The following TET1 variants were observed in gnomAD, a reference collection of about 807,000 sequenced individuals.
TET1 encodes the protein methylcytosine dioxygenase TET1.
In TET1, 13 loss-of-function variants were observed where a neutral mutation model predicts 148.7. The observed-to-expected ratio is 0.09, with a 90% CI of 0.06 to 0.14. The LOEUF is 0.14. Among genes scored for constraint, TET1 ranks in the 10% least tolerant of loss-of-function variants. TET1 has a pLI of 1.00. For synonymous variants in TET1, 907 were observed against 937.2 expected, an observed-to-expected ratio of 0.97 and a Z score of 0.59; for missense variants, 2,182 against 2,553.8, an observed-to-expected ratio of 0.85 and a Z score of 3.14.
chr10:68,666,910 C>T (rs934080443), intron 6 of TET1, 135 bp from the exon 7 acceptor site: 1 of 799,364 alleles, frequency 1.3e-6, no homozygotes, highest in South Asian at 2.0e-5. Flanking sequence ...ATAGTTAGAC[C>T]CCGTCTGTAG....
chr10:68,603,029 G>A (rs2054078822), intron 3 of TET1, among the ~76,000 whole-genome samples: 1 of 152,192 alleles, frequency 6.6e-6, no homozygotes. Flanking sequence ...TGAAACCTGT[G>A]TTTGGGAGGG....
chr10:68,595,966 A>ATATATATG, intron 2 of TET1, among the ~76,000 whole-genome samples: 1 of 32,028 alleles, frequency 3.1e-5, no homozygotes, highest in Non-Finnish European at 6.3e-5. Context: ...ATATATACAC[A>ATATATATG]CACACACACA....
intron 3 of TET1, among the ~76,000 whole-genome samples, chr10:68,615,290 C>T (rs565514080): frequency 4.6e-5 from 7 of 152,020 alleles, no homozygotes; most frequent in African/African-American, 1.7e-4. Flanking sequence ...TTTCCTCTCT[C>T]TCTCCACACA....
chr10:68,648,369 T>C (rs933149428), intron 4 of TET1, among the ~76,000 whole-genome samples: 1 of 152,222 alleles, frequency 6.6e-6, no homozygotes, highest in African/African-American at 2.4e-5. Context: ...CTGTTGACTC[T>C]AATATAGCTG....
At chr10:68,687,991 C>CA (rs2055538286) in intron 11 of TET1, among the ~76,000 whole-genome samples, 1 of 151,998 alleles carries the variant, frequency 6.6e-6, no homozygotes, top group Non-Finnish European at 1.5e-5. Context: ...TGGCTATTCA[C>CA]AGACACAATC....
At chr10:68,631,433 C>CTT (rs546257824) in intron 3 of TET1, among the ~76,000 whole-genome samples, 778 of 110,476 alleles carry the variant, frequency 7.0e-3, no homozygotes, top group South Asian at 9.8e-3. Context: ...TTTCTTTCTT[C>CTT]TTTTTTTTTT....
chr10:68,562,329 A>T (rs1313568961), intron 1 of TET1, among the ~76,000 whole-genome samples: 1 of 152,236 alleles, frequency 6.6e-6, no homozygotes, highest in East Asian at 1.9e-4. Context: ...CTAGGAATTT[A>T]TGACTACAAT....
At chr10:68,678,293 G>C (rs146228848) in intron 8 of TET1, among the ~76,000 whole-genome samples, 30 of 152,308 alleles carry the variant, frequency 2.0e-4, no homozygotes, top group African/African-American at 7.2e-4. Context: ...GGTTTGTAGA[G>C]GGCAGATCAG....
At chr10:68,561,616 C>T (rs1023288367) in intron 1 of TET1, among the ~76,000 whole-genome samples, 13 of 152,020 alleles carry the variant, frequency 8.6e-5, no homozygotes, top group African/African-American at 3.1e-4. Context: ...GCCTGGTCCT[C>T]GCTCTCGGGC....
chr10:68,661,781 A>G (rs2055119243), intron 6 of TET1, among the ~76,000 whole-genome samples: 1 of 151,540 alleles, frequency 6.6e-6, no homozygotes, highest in East Asian at 1.9e-4. Flanking sequence ...CACCATGCCC[A>G]GCCAGAACTT....
intron 2 of TET1, among the ~76,000 whole-genome samples, chr10:68,591,667 C>T (rs1163908135): frequency 6.6e-6 from 1 of 152,062 alleles, no homozygotes; most frequent in Non-Finnish European, 1.5e-5. Flanking sequence ...CTTTGGATGA[C>T]CGAGGTGGGT....
At chr10:68,678,240 G>T (rs2055390277) in intron 8 of TET1, among the ~76,000 whole-genome samples, 2 of 152,274 alleles carry the variant, frequency 1.3e-5, no homozygotes, top group South Asian at 2.1e-4. Flanking sequence ...TATATGGGGT[G>T]GGGGGTTCAT....
Position 68,646,492 on chromosome 10 carries a change from G to A in TET1, c.3763G>A (p.Val1255Met), listed in dbSNP as rs777362644. ...ATATCCTGAATCAGCAGAGGAAAAG[G>A]TGAAGGTTGAACCATTGGATTCACT... ...QRYPESAEEKVKVEPLDSLSL... is the reference protein window; with the variant it reads ...QRYPESAEEKMKVEPLDSLSL... The change falls in exon 4 of 12, where the codon GTG becomes ATG. Residue 1255 changes from valine (V) to methionine (M), a missense_variant. Physicochemically the swap from Val to Met is conservative, Grantham distance 21. Coordinates refer to ENST00000373644, the MANE Select transcript of TET1 (RefSeq NM_030625.3). 3.1e-6 allele frequency: 5 copies of A among 1,614,066 alleles called. No individual in the cohort carries two copies. The Admixed American group carries it at 8.3e-5, about 27-fold the overall frequency.
chr10:68,580,313 ATTTTT>A (rs1163318028), intron 2 of TET1, among the ~76,000 whole-genome samples: 8 of 60,400 alleles, frequency 1.3e-4, no homozygotes, highest in Admixed American at 2.6e-4. Context: ...ATTATATTCA[ATTTTT>A]TTTTTTTTTT....
In TET1 at chr10:68,646,185, C is replaced by T; in HGVS notation, c.3456C>T (p.Ser1152=). 1.9e-6 allele frequency: 3 copies of T among 1,613,650 alleles called. No individual in the cohort carries two copies. Among genetic ancestry groups the T allele is most frequent in the Non-Finnish European group, 2.5e-6 (3 of 1,179,952 alleles). The change falls in exon 4 of 12, where the codon TCC becomes TCT. Residue 1152 remains serine (S), a synonymous_variant. Transcript: ENST00000373644. The part of the protein sequence containing the change: ...QKNPTQKKTK[S]TPSRDRRKKK... ...ACCCAACCCAGAAAAAGACAAAATC[C>T]ACCCCATCAAGAGATCGGCGGAAAA...
chr10:68,572,641 G>A lies in TET1; in HGVS notation c.303G>A (p.Gly101=), dbSNP rs1218034670. 22 of 1,614,090 alleles carry A rather than the reference G, an allele frequency of 1.4e-5. No individual in the cohort carries two copies. Among genetic ancestry groups the A allele is most frequent in the Non-Finnish European group, 1.8e-5 (21 of 1,180,006 alleles). The change falls in exon 2 of 12, where the codon GGG becomes GGA. Residue 101 remains glycine (G), a synonymous_variant. Transcript: ENST00000373644. ...ACCCAGAGTCCTTAACCTGCAATGG[G>A]TTTACAATGGCGCTACGAAGCACCT... ...FQNPESLTCN[G]FTMALRSTSL...
intron 2 of TET1, among the ~76,000 whole-genome samples, chr10:68,589,060 C>T (rs2053890875): frequency 6.6e-6 from 1 of 151,936 alleles, no homozygotes; most frequent in Non-Finnish European, 1.5e-5. Flanking sequence ...GAGATGGAGG[C>T]TGCAGTGAGC....
chr10:68,626,105 A>AGAAAG (rs1245286422), intron 3 of TET1, among the ~76,000 whole-genome samples: 41 of 87,202 alleles, frequency 4.7e-4, no homozygotes, highest in Non-Finnish European at 8.4e-4. Flanking sequence ...AAAGAAAAAA[A>AGAAAG]AAAAGAAAAG....
At chr10:68,595,981 TATACACACAC>T (rs1352384568) in intron 2 of TET1, among the ~76,000 whole-genome samples, 2 of 40,836 alleles carry the variant, frequency 4.9e-5, no homozygotes, top group Admixed American at 3.3e-4. Context: ...CACACACATA[TATACACACAC>T]ACACACACAC....
Sources: allele counts gnomAD v4.1 joint callset (sites outside exome capture counted in the v4.1 genomes callset), GRCh38; gene constraint gnomAD v4.1.1; transcripts MANE v1.5; gene names NCBI Gene and HGNC (gene_info 2026-07-23, HGNC 2026-07-21).